SLC25A5: variants seen among roughly 807,000 people sequenced by gnomAD.
SLC25A5 encodes ADP/ATP translocase 2.
Under a neutral mutation model 16.5 loss-of-function variants are expected in SLC25A5, and 4 were observed. That is an observed-to-expected ratio of 0.24 (90% CI 0.12 to 0.56). The LOEUF (loss-of-function observed/expected upper bound fraction) is 0.56, where lower values mean the gene tolerates loss of function less well. Ranked by LOEUF, SLC25A5 falls within the 20% of genes least tolerant of loss-of-function variation. The pLI is 0.93. For missense variants in SLC25A5, 88 were observed against 248.0 expected (o/e 0.35, Z 4.33); for synonymous variants, 60 against 95.2 (o/e 0.63, Z 2.15).
chrX:119,469,605 T>C, intron 1 of SLC25A5, 56 bp from the exon 2 acceptor site: 2 of 1,106,056 alleles, frequency 1.8e-6, no homozygotes, highest in South Asian at 4.5e-5. Context: ...TAAGCTCTTC[T>C]CTTTCCCTTC....
intron 2 of SLC25A5, 106 bp downstream of exon 2, chrX:119,470,253 A>G: frequency 1.8e-6 from 2 of 1,120,141 alleles, no homozygotes; most frequent in Non-Finnish European, 2.4e-6. Context: ...TTTAATTGCT[A>G]AAGGAAGCCA....
intron 1 of SLC25A5, chrX:119,468,860 T>A: frequency 5.1e-6 from 2 of 392,675 alleles, no homozygotes; most frequent in East Asian, 8.2e-5. Context: ...AGGACCAGGC[T>A]CTCGGCATCT....
chrX:119,469,327 C>T (rs2052811336), intron 1 of SLC25A5: 2 of 146,867 alleles, frequency 1.4e-5, no homozygotes, highest in Non-Finnish European at 2.7e-5. Flanking sequence ...CTGCGGTCCC[C>T]AAGGTGACCG....
intron 1 of SLC25A5, chrX:119,469,023 G>T (rs1489024496): frequency 7.8e-6 from 1 of 127,587 alleles, no homozygotes; most frequent in South Asian, 2.9e-4. Context: ...CTGCCCGGGG[G>T]AGGCCATGCG....
chrX:119,469,612 C>T (rs1416374883), intron 1 of SLC25A5, 49 bp from the exon 2 acceptor site: 1 of 1,144,288 alleles, frequency 8.7e-7, no homozygotes, highest in African/African-American at 1.8e-5. Flanking sequence ...TTCTCTTTCC[C>T]TTCCCCATGG....
intron 2 of SLC25A5, 66 bp downstream of exon 2, chrX:119,470,213 C>G: frequency 8.8e-7 from 1 of 1,141,789 alleles, no homozygotes; most frequent in South Asian, 2.1e-5. Context: ...TTGTACCAAC[C>G]TAACAGTCCA....
At chrX:119,468,838 G>C (rs778309600) in intron 1 of SLC25A5, 1 of 421,489 alleles carries the variant, frequency 2.4e-6, no homozygotes, top group African/African-American at 2.5e-5. Context: ...GAAGGGGCCG[G>C]GGGCAGAGGG....
intron 1 of SLC25A5, chrX:119,468,958 A>C (rs1322787241): frequency 4.1e-6 from 1 of 243,886 alleles, no homozygotes; most frequent in Non-Finnish European, 7.4e-6. Flanking sequence ...AGCCGGCGTT[A>C]GAAAGAGGAA....
rs1395280467 is a variant in SLC25A5 at position 119,468,457 on chromosome X, G to A, written c.-59G>A. ...TGCTTCGCTCCGCCCCGCAGCGCCG[G>A]AGTCAAAGCCGGTTCCCGGCCCAGT... On this transcript the variant is annotated 5_prime_UTR_variant, in exon 1 of 4. Transcript: ENST00000317881. 2.9e-6 allele frequency: 3 copies of A among 1,028,490 alleles called. No homozygotes were observed. The highest frequency in any genetic ancestry group is 4.9e-5 in the Admixed American group (2 of 41,103). The allele number at this position is 1,028,490 out of a possible 1,213,427, so 84.8% of individuals were successfully genotyped here. A position where few individuals can be genotyped will look rare whatever the true frequency, so the allele number is the denominator to read the frequency against.
chrX:119,470,843 A>G, intron 3 of SLC25A5, 58 bp from the exon 4 acceptor site: 1 of 1,146,885 alleles, frequency 8.7e-7, no homozygotes, highest in Non-Finnish European at 1.2e-6. Flanking sequence ...TAGCCTAGTG[A>G]ATCTTAGGAT....
chrX:119,470,187 A>G, intron 2 of SLC25A5, 40 bp downstream of exon 2: 2 of 1,154,321 alleles, frequency 1.7e-6, no homozygotes, highest in Non-Finnish European at 2.3e-6. Flanking sequence ...TTCTTAGGAG[A>G]CAGTTTAAAA....
intron 1 of SLC25A5, chrX:119,469,002 C>T (rs1362168552): frequency 2.6e-5 from 4 of 153,264 alleles, no homozygotes; most frequent in East Asian, 1.6e-4. Context: ...AAGGTCGCGG[C>T]AAGGAGATAA....
chrX:119,468,467 C>T lies in SLC25A5; in HGVS notation c.-49C>T, dbSNP rs760888044. The T allele has an allele frequency of 2.8e-5, 31 of 1,096,472 alleles. No homozygotes were observed. In the South Asian group the frequency reaches 4.7e-4, roughly 17 times the overall value. The allele number at this position is 1,096,472 out of a possible 1,213,427, so 90.4% of individuals were successfully genotyped here. The stretch of plus-strand genomic sequence containing the variant: ...CGCCCCGCAGCGCCGGAGTCAAAGC[C>T]GGTTCCCGGCCCAGTCCCGTCCTGC... On this transcript the variant is annotated 5_prime_UTR_variant, in exon 1 of 4. Transcript: ENST00000317881.
Position 119,468,462 on chromosome X carries a change from A to G in SLC25A5, c.-54A>G. ...CGCTCCGCCCCGCAGCGCCGGAGTC[A>G]AAGCCGGTTCCCGGCCCAGTCCCGT... On this transcript the variant is annotated 5_prime_UTR_variant, in exon 1 of 4. Coordinates refer to ENST00000317881, the MANE Select transcript of SLC25A5 (RefSeq NM_001152.5). 1 of 1,083,055 alleles carries G rather than the reference A, an allele frequency of 9.2e-7. No individual in the cohort carries two copies. The highest frequency in any genetic ancestry group is 1.9e-5 in the South Asian group (1 of 52,391). The allele number at this position is 1,083,055 out of a possible 1,213,427, so 89.3% of individuals were successfully genotyped here.
intron 1 of SLC25A5, 155 bp from the exon 2 acceptor site, chrX:119,469,504 CAG>C: frequency 1.7e-6 from 1 of 590,490 alleles, no homozygotes. Context: ...GTGACAGCCT[CAG>C]AGGGTTGGGA....
chrX:119,470,297 C>A, intron 2 of SLC25A5, 76 bp from the exon 3 acceptor site: 1 of 1,145,564 alleles, frequency 8.7e-7, no homozygotes, highest in Non-Finnish European at 1.2e-6. Flanking sequence ...GTACAGATGA[C>A]GTGTTTAGGG....
intron 3 of SLC25A5, 97 bp from the exon 4 acceptor site, chrX:119,470,803 AC>A: frequency 1.5e-5 from 14 of 938,624 alleles, no homozygotes; most frequent in Non-Finnish European, 2.1e-5. Context: ...TTTAAAGCTG[AC>A]GTTCTTAGAG....
rs763380534 is a variant in SLC25A5 at position 119,468,622 on chromosome X, T to A, written c.107T>A (p.Leu36Gln). ...CCCATCGAGCGGGTCAAGCTGCTGC[T>A]GCAGGTACGTCCTGGGATCCAGGAG... ...VAPIERVKLL[L>Q]QVQHASKQIT... Residue 36 changes from leucine to glutamine, a missense_variant, in exon 1 of 4, where the codon CTG becomes CAG. Transcript: ENST00000317881. The A allele has an allele frequency of 8.3e-7, 1 of 1,201,051 alleles. No individual in the cohort carries two copies. Among genetic ancestry groups the A allele is most frequent in the South Asian group, 1.8e-5 (1 of 55,604 alleles).
rs759855460 is a variant in SLC25A5 at position 119,468,519 on chromosome X, A to G, written c.4A>G (p.Thr2Ala). The change falls in exon 1 of 4, where the codon ACA (threonine) becomes GCA (alanine). Residue 2 changes from threonine (T) to alanine (A), a missense_variant. Thr to Ala is a moderately conservative substitution (Grantham distance 58). Coordinates refer to ENST00000317881, the MANE Select transcript of SLC25A5 (RefSeq NM_001152.5). ...GCAGTCTGCCTCCTCTTTCAACATG[A>G]CAGATGCCGCTGTGTCCTTCGCCAA... is the stretch of plus-strand genomic sequence containing the variant. M[T>A]DAAVSFAKDF... is the part of the protein sequence containing the mutation. 2.5e-6 allele frequency: 3 copies of G among 1,208,243 alleles called. No homozygotes were observed. The highest frequency in any genetic ancestry group is 3.4e-6 in the Non-Finnish European group (3 of 893,031).
Sources: allele counts gnomAD v4.1 joint callset, GRCh38; gene constraint gnomAD v4.1.1; transcripts MANE v1.5; gene names NCBI Gene and HGNC (gene_info 2026-07-23, HGNC 2026-07-21).